CAMK4: variants seen among roughly 807,000 people sequenced by gnomAD.
CAMK4 encodes the protein calcium/calmodulin dependent protein kinase IV, also known as calcium/calmodulin-dependent protein kinase type IV.
A neutral mutation model predicts 44.9 loss-of-function variants in CAMK4; 22 were observed. The observed-to-expected ratio is 0.49, with a 90% CI of 0.35 to 0.70. The LOEUF is 0.70. CAMK4 is among the 30% of genes least tolerant of loss of function. The pLI is 0.01. For synonymous variants in CAMK4, 218 were observed against 215.4 expected (o/e 1.01, Z -0.11); for missense variants, 498 against 586.8 (o/e 0.85, Z 1.56).
At chr5:111,322,366 C>A (rs1033180864) in intron 1 of CAMK4, among the ~76,000 whole-genome samples, 3 of 152,020 alleles carry the variant, frequency 2.0e-5, no homozygotes, top group Non-Finnish European at 4.4e-5. Flanking sequence ...TCAAAACGAT[C>A]ACACTTAAAT....
chr5:111,391,050 A>G (rs548920330), intron 4 of CAMK4, among the ~76,000 whole-genome samples: 1 of 152,328 alleles, frequency 6.6e-6, no homozygotes, highest in Admixed American at 6.5e-5. Flanking sequence ...TCTGAAAAGT[A>G]CAAGGGGTGC....
intron 4 of CAMK4, among the ~76,000 whole-genome samples, chr5:111,379,792 C>T (rs2112833093): frequency 6.6e-6 from 1 of 151,954 alleles, no homozygotes; most frequent in Non-Finnish European, 1.5e-5. Flanking sequence ...GTCAATTATA[C>T]TCAAAAAGGT....
chr5:111,412,054 A>T (rs193156352), intron 5 of CAMK4, among the ~76,000 whole-genome samples: 3 of 152,334 alleles, frequency 2.0e-5, no homozygotes, highest in Admixed American at 1.3e-4. Flanking sequence ...GAAGCATAAT[A>T]TAATAATAAA....
chr5:111,406,413 G>A lies in CAMK4; in HGVS notation c.459+11631G>A, dbSNP rs187413937. On this transcript the variant is annotated intron_variant, in intron 5 of 10. Coordinates refer to ENST00000282356, the MANE Select transcript of CAMK4 (RefSeq NM_001744.6). ...TAATTTTTGTATTTTTTGTAGAGAC[G>A]AGGTTTCACCATGTTGGCCAGGCTG... 8.8e-4 allele frequency among the ~76,000 whole-genome samples: 133 copies of A among 151,902 alleles called. 1 individual carries two copies. Among genetic ancestry groups the A allele is most frequent in the African/African-American group, 3.0e-3 (125 of 41,428 alleles).
At chr5:111,275,454 C>A (rs1361446283) in intron 1 of CAMK4, among the ~76,000 whole-genome samples, 2 of 152,028 alleles carry the variant, frequency 1.3e-5, no homozygotes, top group Non-Finnish European at 2.9e-5. Context: ...TGTTTCTTTG[C>A]TCACCATTAC....
chr5:111,446,784 C>T lies in CAMK4; in HGVS notation c.550+8C>T, dbSNP rs767351749. 2.6e-6 allele frequency: 4 copies of T among 1,567,012 alleles called. No individual in the cohort carries two copies. In the East Asian group the frequency reaches 6.7e-5, roughly 26 times the overall value. On this transcript the variant is annotated splice_region_variant and intron_variant, in intron 6 of 10. Transcript: ENST00000282356. The stretch of plus-strand genomic sequence containing the variant: ...ATGCACCACTCAAAATCGGTGAGAA[C>T]ATTTCTTCTTGTTTTGTGACCCCTT...
intron 4 of CAMK4, among the ~76,000 whole-genome samples, chr5:111,389,195 A>G (rs1751712711): frequency 6.6e-6 from 1 of 152,152 alleles, no homozygotes; most frequent in Non-Finnish European, 1.5e-5. Context: ...CACATGGTGG[A>G]AGGGACAAAG....
chr5:111,391,059 G>C (rs146216166), intron 4 of CAMK4, among the ~76,000 whole-genome samples: 1 of 152,160 alleles, frequency 6.6e-6, no homozygotes, highest in Non-Finnish European at 1.5e-5. Context: ...TACAAGGGGT[G>C]CACCTGCAGT....
At chr5:111,446,011 T>C (rs1405889089) in intron 5 of CAMK4, among the ~76,000 whole-genome samples, 1 of 152,258 alleles carries the variant, frequency 6.6e-6, no homozygotes, top group Admixed American at 6.5e-5. Flanking sequence ...ATATGTTGCA[T>C]GTATGCTTAT....
chr5:111,388,399 C>T (rs1459510618), intron 4 of CAMK4, among the ~76,000 whole-genome samples: 1 of 152,164 alleles, frequency 6.6e-6, no homozygotes, highest in Non-Finnish European at 1.5e-5. Flanking sequence ...CTGTTTATAT[C>T]CAGCAAGTAC....
chr5:111,285,253 A>G (rs2112612954), intron 1 of CAMK4, among the ~76,000 whole-genome samples: 1 of 152,350 alleles, frequency 6.6e-6, no homozygotes, highest in Non-Finnish European at 1.5e-5. Context: ...GAAATGAACT[A>G]TACACATACA....
At chr5:111,269,746 G>A (rs1362514365) in intron 1 of CAMK4, among the ~76,000 whole-genome samples, 1 of 152,144 alleles carries the variant, frequency 6.6e-6, no homozygotes, top group African/African-American at 2.4e-5. Flanking sequence ...GGAGCCAGAA[G>A]GTCTAACTCA....
chr5:111,293,567 C>A (rs1318608306), intron 1 of CAMK4, among the ~76,000 whole-genome samples: 1 of 151,264 alleles, frequency 6.6e-6, no homozygotes, highest in African/African-American at 2.4e-5. Context: ...GCTGGGATTA[C>A]AAGCACCCGC....
chr5:111,227,079 A>T (rs142173392), intron 1 of CAMK4, among the ~76,000 whole-genome samples: 3 of 152,330 alleles, frequency 2.0e-5, no homozygotes, highest in Admixed American at 2.0e-4. Context: ...TTTTCTGTAC[A>T]TGGCAGCATT....
intron 1 of CAMK4, among the ~76,000 whole-genome samples, chr5:111,256,028 T>C (rs1448021308): frequency 6.6e-6 from 1 of 152,212 alleles, no homozygotes; most frequent in East Asian, 1.9e-4. Flanking sequence ...TGATATAGAC[T>C]AATCGATCAC....
At chr5:111,323,027 A>G (rs1748726619) in intron 1 of CAMK4, among the ~76,000 whole-genome samples, 1 of 152,168 alleles carries the variant, frequency 6.6e-6, no homozygotes, top group South Asian at 2.1e-4. Context: ...GAAGGCTATC[A>G]TAAATGGAAT....
intron 1 of CAMK4, among the ~76,000 whole-genome samples, chr5:111,245,654 C>A (rs1002903832): frequency 3.3e-5 from 5 of 152,078 alleles, no homozygotes; most frequent in African/African-American, 1.2e-4. Flanking sequence ...CAACTGATTC[C>A]CTGATCTAAT....
At chr5:111,356,230 G>A (rs1275266128) in intron 2 of CAMK4, among the ~76,000 whole-genome samples, 6 of 150,900 alleles carry the variant, frequency 4.0e-5, no homozygotes, top group African/African-American at 1.5e-4. Flanking sequence ...TTGTGGTTTT[G>A]ATTTGCATTT....
At chr5:111,404,703 G>A (rs1752352517) in intron 5 of CAMK4, among the ~76,000 whole-genome samples, 1 of 152,118 alleles carries the variant, frequency 6.6e-6, no homozygotes. Context: ...AACTGCAAAA[G>A]GGAGGAAGTA....
Sources: gnomAD v4.1 joint callset for allele counts (sites outside exome capture counted in the v4.1 genomes callset) on GRCh38, gnomAD v4.1.1 for gene constraint, MANE v1.5 for transcripts, NCBI Gene and HGNC (gene_info 2026-07-23, HGNC 2026-07-21) for gene names.